SLIT3: variants seen among roughly 807,000 people sequenced by gnomAD.
The protein encoded by SLIT3 is slit homolog 3 protein.
A neutral mutation model predicts 184.0 loss-of-function variants in SLIT3; 68 were observed. The observed-to-expected ratio is 0.37, with a 90% confidence interval of 0.30 to 0.45. The LOEUF (loss-of-function observed/expected upper bound fraction) is 0.45, where lower values mean the gene tolerates loss of function less well. SLIT3 is among the 20% of genes least tolerant of loss of function. The pLI is 1.00. For missense variants in SLIT3, 1,707 were observed against 2,026.0 expected (o/e 0.84, Z 3.02); for synonymous variants, 831 against 828.6 (o/e 1.00, Z -0.05).
At chr5:169,225,035 A>G (rs1380215107) in intron 3 of SLIT3, among the ~76,000 whole-genome samples, 2 of 152,226 alleles carry the variant, frequency 1.3e-5, no homozygotes, top group African/African-American at 4.8e-5. Context: ...TAAAATCTAT[A>G]TATTTTATGT....
At chr5:168,768,759 G>A (rs1460728173) in intron 14 of SLIT3, among the ~76,000 whole-genome samples, 1 of 152,136 alleles carries the variant, frequency 6.6e-6, no homozygotes, top group African/African-American at 2.4e-5. Flanking sequence ...CTTCAATGCT[G>A]TTCTTTAGGA....
intron 4 of SLIT3, among the ~76,000 whole-genome samples, chr5:169,069,151 C>T (rs868354399): frequency 1.3e-5 from 2 of 152,160 alleles, no homozygotes; most frequent in Middle Eastern, 3.2e-3. Flanking sequence ...ACAATGACCA[C>T]CCCCAATTTA....
chr5:168,842,469 GTTT>G (rs778998998), intron 6 of SLIT3, among the ~76,000 whole-genome samples: 4 of 88,072 alleles, frequency 4.5e-5, no homozygotes, highest in African/African-American at 1.4e-4. Context: ...CCGTTTTTTC[GTTT>G]TTTTTTTTTT....
intron 4 of SLIT3, among the ~76,000 whole-genome samples, chr5:169,182,616 A>G (rs1026577623): frequency 6.6e-6 from 1 of 152,242 alleles, no homozygotes; most frequent in African/African-American, 2.4e-5. Flanking sequence ...GGCTCTTTAG[A>G]AATGTTTCTG....
intron 4 of SLIT3, among the ~76,000 whole-genome samples, chr5:168,917,900 A>C (rs1429912173): frequency 2.6e-5 from 4 of 152,212 alleles, no homozygotes; most frequent in African/African-American, 4.8e-5. Flanking sequence ...TCTGTGAATA[A>C]ATAGCTCAGC....
chr5:169,174,559 G>C (rs1762914695), intron 4 of SLIT3, among the ~76,000 whole-genome samples: 1 of 152,146 alleles, frequency 6.6e-6, no homozygotes, highest in African/African-American at 2.4e-5. Context: ...CGTCAAATGG[G>C]ATACCACTAA....
Position 169,164,863 on chromosome 5 carries a change from C to T in SLIT3, c.413+28616G>A, listed in dbSNP as rs75758636. Among the ~76,000 whole-genome samples, 47 of 152,350 alleles carry T rather than the reference C, an allele frequency of 3.1e-4. No individual in the cohort carries two copies. The East Asian group carries it at 6.6e-3, about 21-fold the overall frequency. On this transcript the variant is annotated intron_variant, in intron 4 of 35. Transcript: ENST00000519560. ...CTGCTGGGGTGGCATGCCAAGGTTT[C>T]GGGACAAAGATGGGGGCAGGCTCAC...
intron 4 of SLIT3, among the ~76,000 whole-genome samples, chr5:169,063,835 G>A (rs1238342458): frequency 6.6e-6 from 1 of 152,172 alleles, no homozygotes; most frequent in African/African-American, 2.4e-5. Context: ...AGGAGTGGAA[G>A]GTGTTAACAA....
rs374304537 is a variant in SLIT3, at chr5:168,924,350, C to T, written c.414-41014G>A. ...CCATGTCCTGCTTCTCTCCTTCCTG[C>T]GGGTTGGGACCCAGTACCCTCCATC... On this transcript the variant is annotated intron_variant, in intron 4 of 35. Coordinates refer to ENST00000519560, the MANE Select transcript of SLIT3 (RefSeq NM_003062.4). Among the ~76,000 whole-genome samples, 61 of 152,244 alleles carry T rather than the reference C, an allele frequency of 4.0e-4. 1 individual carries two copies. The South Asian group carries it at 0.011, about 26-fold the overall frequency.
At chr5:168,948,362 TG>T (rs1431035942) in intron 4 of SLIT3, among the ~76,000 whole-genome samples, 1 of 152,156 alleles carries the variant, frequency 6.6e-6, no homozygotes, top group Non-Finnish European at 1.5e-5. Flanking sequence ...GAGGCTCCGT[TG>T]GAACAGGCAG....
At chr5:168,987,346 T>C (rs1755164817) in intron 4 of SLIT3, among the ~76,000 whole-genome samples, 1 of 152,204 alleles carries the variant, frequency 6.6e-6, no homozygotes, top group African/African-American at 2.4e-5. Flanking sequence ...AGACTATCTA[T>C]GTGGTCCTAT....
intron 32 of SLIT3, among the ~76,000 whole-genome samples, chr5:168,680,933 T>C (rs1761571277): frequency 6.6e-6 from 1 of 152,172 alleles, no homozygotes; most frequent in Non-Finnish European, 1.5e-5. Context: ...GGCAGACTGC[T>C]TCAGCCCAGG....
Position 168,967,502 on chromosome 5 carries a change from G to C in SLIT3, c.414-84166C>G, listed in dbSNP as rs1442853655. Among the ~76,000 whole-genome samples the C allele has an allele frequency of 1.4e-4, 13 of 92,968 alleles. 1 individual carries two copies. The highest frequency in any genetic ancestry group is 8.3e-4 in the South Asian group (2 of 2,412). 61.0% of individuals were successfully genotyped at this position (92,968 alleles called of 152,430 possible). A position where few individuals can be genotyped will look rare whatever the true frequency, so the allele number is the denominator to read the frequency against. On this transcript the variant is annotated intron_variant, in intron 4 of 35. Coordinates refer to ENST00000519560, the MANE Select transcript of SLIT3 (RefSeq NM_003062.4). ...TCGCCCAGGCTGGAGTGCAGTGGCG[G>C]GATCTCGGCTCACTGCAAGCTCCGC...
chr5:168,880,013 G>A (rs112268903), intron 5 of SLIT3, among the ~76,000 whole-genome samples: 18 of 152,180 alleles, frequency 1.2e-4, no homozygotes, highest in African/African-American at 4.3e-4. Flanking sequence ...GGAACTAATC[G>A]TTTTTCACTT....
intron 5 of SLIT3, among the ~76,000 whole-genome samples, chr5:168,877,092 C>T (rs931778613): frequency 2.6e-5 from 4 of 152,160 alleles, no homozygotes; most frequent in African/African-American, 7.2e-5. Flanking sequence ...TTGAAACAGG[C>T]AGGATATCTG....
At chr5:168,945,989 A>G (rs926367513) in intron 4 of SLIT3, among the ~76,000 whole-genome samples, 4 of 152,240 alleles carry the variant, frequency 2.6e-5, no homozygotes, top group Middle Eastern at 3.2e-3. Context: ...CCTTGTTACA[A>G]TAATAGCCGC....
rs778367445 is a variant in SLIT3, at chr5:168,749,518, C to T, written c.2091G>A (p.Lys697=). Residue 697 remains lysine, a synonymous_variant, in exon 19 of 36, where the codon AAG becomes AAA. Transcript: ENST00000519560. The part of the protein sequence containing the change: ...NPRCQKPFFL[K]EIPIQDVAIQ... ...TGGCCACATCCTGGATGGGAATCTC[C>T]TTGAGGAAAAATGGCTTCTGGCACC... 7 of 1,614,180 alleles carry T rather than the reference C, an allele frequency of 4.3e-6. No individual in the cohort carries two copies. Among genetic ancestry groups the T allele is most frequent in the Non-Finnish European group, 3.4e-6 (4 of 1,180,014 alleles).
At chr5:168,711,478 T>C (rs983053126) in intron 24 of SLIT3, among the ~76,000 whole-genome samples, 1 of 151,966 alleles carries the variant, frequency 6.6e-6, no homozygotes, top group Non-Finnish European at 1.5e-5. Flanking sequence ...ACCACTTGGC[T>C]AGACTTTCAT....
At chr5:168,766,359 T>G (rs1755345725) in intron 14 of SLIT3, among the ~76,000 whole-genome samples, 1 of 151,912 alleles carries the variant, frequency 6.6e-6, no homozygotes, top group African/African-American at 2.4e-5. Flanking sequence ...GAAAAGACAG[T>G]GATGTGAATA....
Sources: allele counts gnomAD v4.1 joint callset (sites outside exome capture counted in the v4.1 genomes callset), GRCh38; gene constraint gnomAD v4.1.1; transcripts MANE v1.5; gene names NCBI Gene and HGNC (gene_info 2026-07-23, HGNC 2026-07-21).